The following STAC variants were observed in gnomAD, a reference collection of about 807,000 sequenced individuals.
STAC encodes SH3 and cysteine-rich domain-containing protein.
Under a neutral mutation model 48.8 loss-of-function variants are expected in STAC, and 43 were observed. That is an observed-to-expected ratio of 0.88 (90% CI 0.69 to 1.14). The LOEUF is 1.14. STAC is among the 50% of genes most tolerant of loss of function. STAC has a pLI of 0.00. For synonymous variants in STAC, 193 were observed against 179.5 expected (o/e 1.07, Z -0.60); for missense variants, 497 against 504.0 (o/e 0.99, Z 0.13).
chr3:36,513,656 T>C (rs1698597786), intron 8 of STAC, among the ~76,000 whole-genome samples: 1 of 152,126 alleles, frequency 6.6e-6, no homozygotes, highest in South Asian at 2.1e-4. Flanking sequence ...TCTGAATCTG[T>C]TTTCTCATCT....
At chr3:36,509,569 G>T (rs888397808) in intron 8 of STAC, among the ~76,000 whole-genome samples, 5 of 152,144 alleles carry the variant, frequency 3.3e-5, no homozygotes, top group African/African-American at 1.2e-4. Context: ...CTTTTCCATA[G>T]TCCCATATTT....
intron 1 of STAC, among the ~76,000 whole-genome samples, chr3:36,427,477 A>G (rs147692821): frequency 2.0e-5 from 3 of 152,230 alleles, no homozygotes; most frequent in Admixed American, 6.5e-5. Flanking sequence ...CTGGCATGCT[A>G]TAACTGCTCA....
chr3:36,419,276 C>G (rs1456249703), intron 1 of STAC, among the ~76,000 whole-genome samples: 6 of 152,032 alleles, frequency 3.9e-5, no homozygotes, highest in African/African-American at 9.7e-5. Flanking sequence ...CTTATTTGTT[C>G]TTTAGGAGTT....
At chr3:36,471,254 C>T (rs1000849520) in intron 2 of STAC, among the ~76,000 whole-genome samples, 23 of 152,140 alleles carry the variant, frequency 1.5e-4, no homozygotes, top group Admixed American at 1.4e-3. Flanking sequence ...TTCACTATCA[C>T]AAGAATAGCA....
rs557861155 is a variant in STAC, at chr3:36,412,672, A to G, written c.112-30692A>G. Among the ~76,000 whole-genome samples, 30 of 152,344 alleles carry G rather than the reference A, an allele frequency of 2.0e-4. No individual in the cohort carries two copies. The South Asian group carries it at 5.6e-3, about 28-fold the overall frequency. ...TGGCATGAAGAGACAAAGGAATCCA[A>G]TTATCCTAAACCATTCTTATACTCA... On this transcript the variant is annotated intron_variant, in intron 1 of 10. Transcript: ENST00000273183.
intron 8 of STAC, among the ~76,000 whole-genome samples, chr3:36,519,864 C>T (rs572104322): frequency 6.6e-6 from 1 of 152,200 alleles, no homozygotes; most frequent in East Asian, 1.9e-4. Flanking sequence ...CAGGAATTTA[C>T]AAATAGATGC....
chr3:36,453,626 A>AGGAG (rs1553636173), intron 2 of STAC, among the ~76,000 whole-genome samples: 4 of 99,334 alleles, frequency 4.0e-5, no homozygotes, highest in Non-Finnish European at 7.3e-5. Context: ...CTCCCTGACG[A>AGGAG]GCGCCGCCCC....
At chr3:36,543,696 G>C (rs988468706) in intron 10 of STAC, among the ~76,000 whole-genome samples, 2 of 152,140 alleles carry the variant, frequency 1.3e-5, no homozygotes, top group Non-Finnish European at 2.9e-5. Flanking sequence ...TCTTCACAGA[G>C]ATAATGAAAT....
At chr3:36,446,324 G>T (rs936157) in intron 2 of STAC, among the ~76,000 whole-genome samples, 84,896 of 152,002 alleles carry the variant, frequency 0.56, 24,091 homozygotes, top group Non-Finnish European at 0.6. Context: ...GCAGTTAGGT[G>T]TGTCTGTCAG....
At chr3:36,434,648 T>C (rs1700785915) in intron 1 of STAC, among the ~76,000 whole-genome samples, 2 of 152,218 alleles carry the variant, frequency 1.3e-5, no homozygotes, top group South Asian at 4.1e-4. Context: ...GGCAGACTCT[T>C]TGCATCAGAA....
intron 1 of STAC, among the ~76,000 whole-genome samples, chr3:36,439,127 T>C (rs1050446179): frequency 3.9e-5 from 6 of 152,066 alleles, no homozygotes; most frequent in Non-Finnish European, 8.8e-5. Flanking sequence ...GGGACGGGGA[T>C]TGGAGGAAGG....
At chr3:36,419,844 G>C (rs183861002) in intron 1 of STAC, among the ~76,000 whole-genome samples, 3 of 152,122 alleles carry the variant, frequency 2.0e-5, no homozygotes, top group African/African-American at 7.2e-5. Context: ...ACACCATAAG[G>C]CTGCTTCTTC....
At chr3:36,399,624 C>T (rs893606512) in intron 1 of STAC, among the ~76,000 whole-genome samples, 1 of 152,176 alleles carries the variant, frequency 6.6e-6, no homozygotes, top group Non-Finnish European at 1.5e-5. Flanking sequence ...GGCCCAGCTG[C>T]CCTGCTCTCC....
chr3:36,395,022 T>TAG (rs1559475712), intron 1 of STAC, among the ~76,000 whole-genome samples: 2 of 99,806 alleles, frequency 2.0e-5, no homozygotes, highest in East Asian at 4.7e-4. Context: ...TCAAAAGATA[T>TAG]ATAGATATAT....
At chr3:36,392,739 T>C (rs938592280) in intron 1 of STAC, among the ~76,000 whole-genome samples, 4 of 152,124 alleles carry the variant, frequency 2.6e-5, no homozygotes, top group African/African-American at 9.7e-5. Context: ...GCCTTACTGC[T>C]GCCTCCAGTT....
intron 1 of STAC, among the ~76,000 whole-genome samples, chr3:36,436,750 C>A (rs1042250154): frequency 2.0e-5 from 3 of 152,116 alleles, no homozygotes; most frequent in African/African-American, 7.2e-5. Flanking sequence ...CTATCTCCAC[C>A]CACTAGACCT....
chr3:36,442,758 ACACACACACACACAC>A (rs1696385541), intron 1 of STAC, among the ~76,000 whole-genome samples: 2 of 27,946 alleles, frequency 7.2e-5, no homozygotes. Flanking sequence ...ACACACACAC[ACACACACACACACAC>A]ACACACACAC....
At chr3:36,521,316 T>C (rs1467842969) in intron 8 of STAC, among the ~76,000 whole-genome samples, 1 of 152,124 alleles carries the variant, frequency 6.6e-6, no homozygotes, top group African/African-American at 2.4e-5. Context: ...CTTGATTTAG[T>C]GGAGTTAGTT....
At chr3:36,483,850 C>G (rs1208162161) in intron 3 of STAC, among the ~76,000 whole-genome samples, 5 of 152,162 alleles carry the variant, frequency 3.3e-5, no homozygotes, top group Non-Finnish European at 5.9e-5. Flanking sequence ...ACTCAGGAGG[C>G]TGAGATTAGA....
Sources: allele counts gnomAD v4.1 joint callset (sites outside exome capture counted in the v4.1 genomes callset), GRCh38; gene constraint gnomAD v4.1.1; transcripts MANE v1.5; gene names NCBI Gene and HGNC (gene_info 2026-07-23, HGNC 2026-07-21).